SLC22A9: variants seen among roughly 807,000 people sequenced by gnomAD.
The protein encoded by SLC22A9 is solute carrier family 22 member 9.
SLC22A9 carries 64 observed loss-of-function variants against 50.1 expected under a neutral mutation model. The observed-to-expected ratio is 1.28, with a 90% CI of 1.04 to 1.57. The LOEUF (loss-of-function observed/expected upper bound fraction) is 1.57, where lower values mean the gene tolerates loss of function less well. Ranked by LOEUF, SLC22A9 falls within the 40% of genes most tolerant of loss-of-function variation. SLC22A9 has a pLI of 0.00. For missense variants in SLC22A9, 757 were observed against 676.1 expected, an observed-to-expected ratio of 1.12 and a Z score of -1.33; for synonymous variants, 261 against 242.5, an observed-to-expected ratio of 1.08 and a Z score of -0.71.
chr11:63,400,067 C>T (rs1347648558), intron 6 of SLC22A9, among the ~76,000 whole-genome samples: 1 of 151,834 alleles, frequency 6.6e-6, no homozygotes, highest in African/African-American at 2.4e-5. Context: ...CAATAAACAC[C>T]TACCTCAAAA....
chr11:63,406,370 A>G (rs1005975914), intron 6 of SLC22A9, 127 bp from the exon 7 acceptor site: 4 of 744,822 alleles, frequency 5.4e-6, no homozygotes, highest in Non-Finnish European at 8.7e-6. Context: ...GCAAGAAAAT[A>G]TTCCATGAAA....
intron 6 of SLC22A9, among the ~76,000 whole-genome samples, chr11:63,385,298 A>G (rs2014646185): frequency 6.6e-6 from 1 of 151,854 alleles, no homozygotes. Flanking sequence ...TTCCATATAA[A>G]TTTTAAAACA....
chr11:63,380,796 AC>A (rs898884493), intron 5 of SLC22A9, among the ~76,000 whole-genome samples: 21 of 152,088 alleles, frequency 1.4e-4, no homozygotes, highest in Admixed American at 2.0e-4. Flanking sequence ...TACACACCAA[AC>A]CCCCATGAAA....
rs571275461 is a variant in SLC22A9, at chr11:63,374,123, T to A, written c.830+61T>A. ...ATTGGAATGAGAATGTATGTGGAAC[T>A]AGGACACCTGAATTTCTTTTTGTTC... On this transcript the variant is annotated intron_variant, in intron 4 of 9. Transcript: ENST00000279178. The A allele has an allele frequency of 9.6e-6, 14 of 1,464,808 alleles. No individual in the cohort carries two copies. The South Asian group carries it at 1.9e-4, about 20-fold the overall frequency. 90.7% of individuals were successfully genotyped at this position (1,464,808 alleles called of 1,614,324 possible).
Position 63,370,269 on chromosome 11 carries a change from A to G in SLC22A9, c.213A>G (p.Ala71=), listed in dbSNP as rs1484548968. 4.3e-6 allele frequency: 7 copies of G among 1,613,872 alleles called. No individual in the cohort carries two copies. The highest frequency in any genetic ancestry group is 5.9e-6 in the Non-Finnish European group (7 of 1,179,926). ...DNDTGALSQD[A]LLRISIPLDS... ...ACACTGGGGCCCTCAGCCAAGATGC[A>G]CTCTTGAGAATCTCCATCCCACTGG... is the stretch of plus-strand genomic sequence containing the variant. Residue 71 remains alanine, a synonymous_variant, in exon 1 of 10, where the codon GCA becomes GCG. Coordinates refer to ENST00000279178, the MANE Select transcript of SLC22A9 (RefSeq NM_080866.3).
intron 6 of SLC22A9, among the ~76,000 whole-genome samples, chr11:63,396,533 C>A (rs537401329): frequency 2.5e-3 from 381 of 152,222 alleles, no homozygotes; most frequent in South Asian, 6.0e-3. Flanking sequence ...GGGCACTCAT[C>A]GTATTTGGGA....
intron 5 of SLC22A9, among the ~76,000 whole-genome samples, chr11:63,379,096 A>G (rs1347495843): frequency 2.6e-5 from 4 of 152,206 alleles, no homozygotes; most frequent in Non-Finnish European, 2.9e-5. Flanking sequence ...AGCTGTAGGC[A>G]TCACACTATC....
chr11:63,376,775 AT>A, intron 5 of SLC22A9, among the ~76,000 whole-genome samples: 1 of 151,970 alleles, frequency 6.6e-6, no homozygotes, highest in African/African-American at 2.4e-5. Flanking sequence ...AAAAAAAAAA[AT>A]ACACCCAATT....
chr11:63,410,058 G>A lies in SLC22A9; in HGVS notation c.*196G>A, dbSNP rs571161430. On this transcript the variant is annotated 3_prime_UTR_variant, in exon 10 of 10. Transcript: ENST00000279178. ...GATAAAGACCACCCTGGCCAACATG[G>A]TGAAACCCTGTCTCTACTAAAACAA... 4.9e-4 allele frequency: 235 copies of A among 475,866 alleles called. 2 individuals are homozygous for A. Among genetic ancestry groups the A allele is most frequent in the Non-Finnish European group, 2.1e-4 (55 of 264,786 alleles). The allele number at this position is 475,866 out of a possible 1,614,324, so 29.5% of individuals were successfully genotyped here. A position where few individuals can be genotyped will look rare whatever the true frequency, so the allele number is the denominator to read the frequency against.
Position 63,370,111 on chromosome 11 carries a change from C to T in SLC22A9, c.55C>T (p.Leu19Phe), listed in dbSNP as rs148652349. The T allele has an allele frequency of 1.3e-5, 21 of 1,613,872 alleles. No homozygotes were observed. In the African/African-American group the frequency reaches 2.3e-4, roughly 17 times the overall value. Residue 19 changes from leucine (L) to phenylalanine (F), a missense_variant, in exon 1 of 10, where the codon CTT becomes TTT. Transcript: ENST00000279178. The stretch of plus-strand genomic sequence containing the variant: ...TGGTGACCTGTGGAGATTCCAGATC[C>T]TTCAGACTGTTTTTCTCTCAATCTT... ...HAGDLWRFQI[L>F]QTVFLSIFAV...
At chr11:63,405,044 A>G (rs1401355002) in intron 6 of SLC22A9, among the ~76,000 whole-genome samples, 2 of 152,094 alleles carry the variant, frequency 1.3e-5, no homozygotes, top group East Asian at 3.8e-4. Flanking sequence ...TGAGAAACCA[A>G]AATCTCAGAA....
At chr11:63,406,881 C>T (rs775285516) in intron 7 of SLC22A9, among the ~76,000 whole-genome samples, 170 bp downstream of exon 7, 10 of 152,124 alleles carry the variant, frequency 6.6e-5, no homozygotes, top group African/African-American at 9.7e-5. Context: ...TGCTGGAAAA[C>T]GAGTCAAAGA....
chr11:63,404,341 A>G (rs1052542748), intron 6 of SLC22A9, among the ~76,000 whole-genome samples: 8 of 152,102 alleles, frequency 5.3e-5, no homozygotes, highest in African/African-American at 1.9e-4. Context: ...GTTGTCATTT[A>G]AGGGCATAAA....
rs534176920 is a variant in SLC22A9, at chr11:63,385,096, T to G, written c.1073+2819T>G. Among the ~76,000 whole-genome samples the G allele has an allele frequency of 3.2e-3, 476 of 146,726 alleles. 5 individuals carry two copies. The highest frequency in any genetic ancestry group is 0.011 in the African/African-American group (450 of 40,142). ...CACTCTGTAGCTTGCCTGTTCACTCTGATGATACAGTTTTTTTTTTTTTTT... is the reference window on the plus strand; with the variant it reads ...CACTCTGTAGCTTGCCTGTTCACTCGGATGATACAGTTTTTTTTTTTTTTT... On this transcript the variant is annotated intron_variant, in intron 6 of 9. Coordinates refer to ENST00000279178, the MANE Select transcript of SLC22A9 (RefSeq NM_080866.3).
chr11:63,402,899 T>A (rs1400339912), intron 6 of SLC22A9, among the ~76,000 whole-genome samples: 7 of 152,142 alleles, frequency 4.6e-5, no homozygotes, highest in African/African-American at 1.4e-4. Flanking sequence ...TTTGTATGTT[T>A]GCTCACCTTT....
At chr11:63,394,713 C>A (rs2014821573) in intron 6 of SLC22A9, among the ~76,000 whole-genome samples, 1 of 152,138 alleles carries the variant, frequency 6.6e-6, no homozygotes, top group African/African-American at 2.4e-5. Flanking sequence ...AGGCGATTAT[C>A]TATTTGAGAT....
chr11:63,401,526 C>G (rs1041737428), intron 6 of SLC22A9, among the ~76,000 whole-genome samples: 10 of 152,006 alleles, frequency 6.6e-5, no homozygotes, highest in African/African-American at 2.2e-4. Context: ...TTAGAAGAAC[C>G]AATATTGTTA....
intron 7 of SLC22A9, 54 bp from the exon 8 acceptor site, chr11:63,408,058 T>A: frequency 7.1e-7 from 1 of 1,417,410 alleles, no homozygotes; most frequent in Non-Finnish European, 9.9e-7. Flanking sequence ...ACCTTGGGGA[T>A]GCTGATTCCT....
chr11:63,373,006 A>T (rs1591011871), intron 2 of SLC22A9, among the ~76,000 whole-genome samples: 1 of 152,154 alleles, frequency 6.6e-6, no homozygotes, highest in East Asian at 1.9e-4. Flanking sequence ...AATGCCAATG[A>T]CATTGGTGAG....
Sources: allele counts gnomAD v4.1 joint callset (sites outside exome capture counted in the v4.1 genomes callset), GRCh38; gene constraint gnomAD v4.1.1; transcripts MANE v1.5; gene names NCBI Gene and HGNC (gene_info 2026-07-23, HGNC 2026-07-21).